The following CLASP1 variants were observed in gnomAD, a reference collection of about 807,000 sequenced individuals.
The protein encoded by CLASP1 is CLIP-associating protein 1.
A neutral mutation model predicts 192.3 loss-of-function variants in CLASP1; 38 were observed. That is an observed-to-expected ratio of 0.20 (90% confidence interval 0.15 to 0.26). The LOEUF is 0.26. Among genes scored for constraint, CLASP1 ranks in the 10% least tolerant of loss-of-function variants. The pLI is 1.00. For missense variants in CLASP1, 1,433 were observed against 1,932.5 expected (o/e 0.74, Z 4.85); for synonymous variants, 691 against 712.8 (o/e 0.97, Z 0.49).
chr2:121,439,989 C>T (rs1269999232), intron 19 of CLASP1, among the ~76,000 whole-genome samples: 4 of 145,654 alleles, frequency 2.7e-5, no homozygotes, highest in East Asian at 2.1e-4. Flanking sequence ...TGCTAGATGA[C>T]GAGTTAGTGG....
At chr2:121,409,710 A>G (rs2077422037) in intron 24 of CLASP1, among the ~76,000 whole-genome samples, 1 of 152,186 alleles carries the variant, frequency 6.6e-6, no homozygotes, top group South Asian at 2.1e-4. Context: ...CTCTGAACAA[A>G]TAAGATACAG....
intron 8 of CLASP1, among the ~76,000 whole-genome samples, chr2:121,477,646 A>G (rs902616280): frequency 3.9e-5 from 6 of 152,232 alleles, no homozygotes; most frequent in Non-Finnish European, 8.8e-5. Flanking sequence ...CTAGATCAAT[A>G]TTAATCTAGT....
intron 8 of CLASP1, among the ~76,000 whole-genome samples, chr2:121,500,392 G>GAAAGAAAGAAAGAA (rs1364712873): frequency 8.9e-6 from 1 of 112,202 alleles, no homozygotes; most frequent in African/African-American, 3.4e-5. Context: ...AAGAAAGAAA[G>GAAAGAAAGAAAGAA]AAAGAAAAGA....
At chr2:121,488,674 C>A (rs2093128929) in intron 8 of CLASP1, among the ~76,000 whole-genome samples, 1 of 152,144 alleles carries the variant, frequency 6.6e-6, no homozygotes, top group East Asian at 1.9e-4. Flanking sequence ...CTTCATAAAA[C>A]AAAAAACGCA....
At chr2:121,648,886 G>A (rs1287718028) in intron 1 of CLASP1, among the ~76,000 whole-genome samples, 3 of 152,358 alleles carry the variant, frequency 2.0e-5, no homozygotes, top group African/African-American at 7.2e-5. Flanking sequence ...CCCAGGACGG[G>A]AGCCCGGGCC....
chr2:121,397,737 T>C (rs956125530), intron 29 of CLASP1, among the ~76,000 whole-genome samples: 1 of 152,214 alleles, frequency 6.6e-6, no homozygotes, highest in African/African-American at 2.4e-5. Context: ...TCAACTAGCT[T>C]TGACTTCAGG....
intron 2 of CLASP1, among the ~76,000 whole-genome samples, chr2:121,537,196 A>T (rs2095107685): frequency 6.6e-6 from 1 of 152,038 alleles, no homozygotes; most frequent in Non-Finnish European, 1.5e-5. Flanking sequence ...GTTTGAGACT[A>T]GCCTTAGCAA....
chr2:121,532,074 G>T (rs2094908380), intron 2 of CLASP1, among the ~76,000 whole-genome samples: 1 of 152,136 alleles, frequency 6.6e-6, no homozygotes, highest in Non-Finnish European at 1.5e-5. Context: ...TACAGCCTGT[G>T]CCTGCCTGCC....
intron 33 of CLASP1, among the ~76,000 whole-genome samples, chr2:121,381,861 A>T (rs140522133): frequency 6.6e-6 from 1 of 152,182 alleles, no homozygotes; most frequent in Non-Finnish European, 1.5e-5. Flanking sequence ...CATGCTAAGG[A>T]AACTGCTCCC....
chr2:121,499,207 A>G (rs1478891066), intron 8 of CLASP1, among the ~76,000 whole-genome samples: 1 of 152,218 alleles, frequency 6.6e-6, no homozygotes, highest in Non-Finnish European at 1.5e-5. Context: ...AGAAAATGCA[A>G]TCTAATCACA....
chr2:121,619,979 T>C (rs1460453813), intron 1 of CLASP1, among the ~76,000 whole-genome samples: 1 of 152,082 alleles, frequency 6.6e-6, no homozygotes, highest in African/African-American at 2.4e-5. Flanking sequence ...CCCAGAGCTT[T>C]GAGAGGCCCA....
chr2:121,505,473 C>T (rs1236809702), intron 7 of CLASP1: 1 of 152,192 alleles, frequency 6.6e-6, no homozygotes, highest in Non-Finnish European at 1.5e-5. Flanking sequence ...GCTACAACAG[C>T]TCCTATCAAG....
At chr2:121,469,946 C>T (rs753925339) in exon 9 of CLASP1, 8 of 1,610,302 alleles carry the variant, frequency 5.0e-6, no homozygotes, top group African/African-American at 2.7e-5. Flanking sequence ...GAATCTTCAT[C>T]GTCGAAATTT....
chr2:121,611,625 G>A (rs1162409870), intron 1 of CLASP1, among the ~76,000 whole-genome samples: 1 of 130,462 alleles, frequency 7.7e-6, no homozygotes, highest in Non-Finnish European at 1.6e-5. Context: ...AGGAGGAAGA[G>A]GAACTGGAGG....
At chr2:121,571,201 G>GA (rs2059941431) in intron 2 of CLASP1, among the ~76,000 whole-genome samples, 2 of 151,734 alleles carry the variant, frequency 1.3e-5, no homozygotes, top group African/African-American at 2.4e-5. Flanking sequence ...TTTTGGGATG[G>GA]GTCTCACTCT....
At chr2:121,363,492 T>G (rs1179975695) in intron 36 of CLASP1, among the ~76,000 whole-genome samples, 192 bp from the exon 38 acceptor site, 1 of 152,156 alleles carries the variant, frequency 6.6e-6, no homozygotes, top group Non-Finnish European at 1.5e-5. Flanking sequence ...ATCAGCTCCA[T>G]GAAGGCAGGC....
chr2:121,412,265 A>G (rs1017059540), intron 23 of CLASP1, among the ~76,000 whole-genome samples: 18 of 152,186 alleles, frequency 1.2e-4, no homozygotes, highest in African/African-American at 4.3e-4. Flanking sequence ...AAAGAAACAA[A>G]AACTGTATGT....
intron 19 of CLASP1, among the ~76,000 whole-genome samples, chr2:121,433,923 C>T (rs2081899027): frequency 6.6e-6 from 1 of 152,172 alleles, no homozygotes; most frequent in Non-Finnish European, 1.5e-5. Context: ...ACTGGAATTA[C>T]CTAATGTTTT....
At position 121,412,472 on chromosome 2, in the gene CLASP1, G is replaced by GT. The variant is rs199794854; in HGVS notation, c.2321-1504dup. Among the ~76,000 whole-genome samples the GT allele has an allele frequency of 6.9e-3, 1,031 of 148,358 alleles. 20 individuals carry two copies. Among genetic ancestry groups the GT allele is most frequent in the Admixed American group, 0.037 (551 of 14,928 alleles). ...AGTTTTACAGATGATCTTTGTTCAA[G>GT]TTTTTTTTTTCATTAAAAAAGGGTA... On this transcript the variant is annotated intron_variant, in intron 23 of 39. Coordinates refer to ENST00000263710, the Ensembl canonical transcript of CLASP1.
Sources: gnomAD v4.1 joint callset for allele counts (sites outside exome capture counted in the v4.1 genomes callset) on GRCh38, gnomAD v4.1.1 for gene constraint, MANE v1.5 for transcripts, NCBI Gene and HGNC (gene_info 2026-07-23, HGNC 2026-07-21) for gene names.